ARB2A: variants seen among roughly 807,000 people sequenced by gnomAD.
ARB2A encodes the protein cotranscriptional regulator ARB2A.
At chr5:93,824,243 C>T in the ARB2A span, 1 of 1,590,932 alleles carries the variant, frequency 6.3e-7, no homozygotes, top group Non-Finnish European at 8.6e-7. Context: ...ACATAGATTG[C>T]ATGTTCTTCA....
At chr5:93,985,082 A>G in the ARB2A span, among the ~76,000 whole-genome samples, 1 of 151,948 alleles carries the variant, frequency 6.6e-6, no homozygotes, top group Non-Finnish European at 1.5e-5. Context: ...TAAAATTTTT[A>G]TTTTCTCTTC....
At chr5:94,036,568 CAT>C in the ARB2A span, among the ~76,000 whole-genome samples, 1 of 152,172 alleles carries the variant, frequency 6.6e-6, no homozygotes, top group African/African-American at 2.4e-5. Context: ...AACATCTTTT[CAT>C]ATGTTTAAAG....
the ARB2A span, among the ~76,000 whole-genome samples, chr5:94,086,771 T>C: frequency 3.3e-5 from 5 of 152,172 alleles, no homozygotes; most frequent in Non-Finnish European, 7.3e-5. Context: ...CAGGCTGGTC[T>C]TGAACTCCTG....
At chr5:93,834,784 T>C in the ARB2A span, among the ~76,000 whole-genome samples, 1 of 152,170 alleles carries the variant, frequency 6.6e-6, no homozygotes, top group Non-Finnish European at 1.5e-5. Context: ...CCACATTGTG[T>C]CTACAATCAT....
At chr5:93,741,295 T>C in the ARB2A span, 45 of 1,613,396 alleles carry the variant, frequency 2.8e-5, no homozygotes, top group Non-Finnish European at 3.7e-5. Flanking sequence ...TCGCAACCAG[T>C]CCCCTGCCTC....
chr5:94,046,610 C>T, the ARB2A span, among the ~76,000 whole-genome samples: 1 of 152,170 alleles, frequency 6.6e-6, no homozygotes, highest in Non-Finnish European at 1.5e-5. Context: ...CCCTTGCTTG[C>T]TCCCTCCCCT....
the ARB2A span, among the ~76,000 whole-genome samples, chr5:93,819,140 C>A: frequency 7.2e-6 from 1 of 138,544 alleles, no homozygotes; most frequent in African/African-American, 2.7e-5. Context: ...GAGTCGAGAT[C>A]GCGCCACTGC....
the ARB2A span, among the ~76,000 whole-genome samples, chr5:94,057,721 T>C: frequency 1.2e-4 from 18 of 152,200 alleles, no homozygotes; most frequent in African/African-American, 3.6e-4. Context: ...AGAAGACACA[T>C]GTAAAAGAAC....
chr5:93,637,605 T>C, the ARB2A span, among the ~76,000 whole-genome samples: 1 of 152,238 alleles, frequency 6.6e-6, no homozygotes, highest in Non-Finnish European at 1.5e-5. Context: ...CAGCAATCTA[T>C]GAGCAATCCA....
the ARB2A span, among the ~76,000 whole-genome samples, chr5:93,781,131 G>A: frequency 2.6e-5 from 4 of 151,958 alleles, no homozygotes; most frequent in African/African-American, 4.8e-5. Context: ...AGTGTACATC[G>A]TACTCAATAG....
chr5:94,110,570 C>A, the ARB2A span, among the ~76,000 whole-genome samples: 1 of 152,166 alleles, frequency 6.6e-6, no homozygotes, highest in Non-Finnish European at 1.5e-5. Context: ...GAGGCCTTAA[C>A]GAAGCAGATC....
the ARB2A span, chr5:93,784,225 T>C: frequency 8.4e-6 from 5 of 592,714 alleles, no homozygotes; most frequent in Admixed American, 3.0e-5. Flanking sequence ...ATGGGTTTTC[T>C]ATTATTATTT....
the ARB2A span, among the ~76,000 whole-genome samples, chr5:93,749,074 G>T: frequency 2.7e-5 from 4 of 150,876 alleles, no homozygotes; most frequent in African/African-American, 4.9e-5. Context: ...GTTTGCCAGT[G>T]TCACTTTCTC....
the ARB2A span, among the ~76,000 whole-genome samples, chr5:94,022,503 TG>T: frequency 1.3e-5 from 2 of 152,194 alleles, no homozygotes; most frequent in South Asian, 4.1e-4. Flanking sequence ...GAGGCTGTCA[TG>T]GGTGTGACAG....
the ARB2A span, among the ~76,000 whole-genome samples, chr5:94,041,625 C>G: frequency 1.3e-5 from 2 of 152,072 alleles, no homozygotes; most frequent in Admixed American, 1.3e-4. Context: ...CAAATAAAGA[C>G]AGTTTTAAAG....
chr5:93,688,715 C>T, the ARB2A span, among the ~76,000 whole-genome samples: 1 of 152,142 alleles, frequency 6.6e-6, no homozygotes, highest in African/African-American at 2.4e-5. Flanking sequence ...ACTCATCATT[C>T]TCCTAAAAAT....
chr5:93,744,434 C>CAA, the ARB2A span, among the ~76,000 whole-genome samples: 233 of 14,528 alleles, frequency 0.016, 51 homozygotes, highest in Non-Finnish European at 0.024. Flanking sequence ...GACTCAGTCT[C>CAA]AAAAAAAAAA....
At chr5:93,918,708 C>T in the ARB2A span, among the ~76,000 whole-genome samples, 1 of 152,146 alleles carries the variant, frequency 6.6e-6, no homozygotes, top group Admixed American at 6.5e-5. Flanking sequence ...AGGCATGAGC[C>T]ACTGCGCCTA....
At chr5:93,811,707 T>C in the ARB2A span, among the ~76,000 whole-genome samples, 1 of 152,160 alleles carries the variant, frequency 6.6e-6, no homozygotes, top group Admixed American at 6.6e-5. Context: ...GGGATAACAG[T>C]ATCTCATAAA....
Sources: allele counts gnomAD v4.1 joint callset (sites outside exome capture counted in the v4.1 genomes callset), GRCh38; gene constraint gnomAD v4.1.1; transcripts MANE v1.5; gene names NCBI Gene and HGNC (gene_info 2026-07-23, HGNC 2026-07-21).